The following SYN3 variants were observed in gnomAD, a reference collection of about 807,000 sequenced individuals.
SYN3 encodes the protein synapsin-3.
SYN3 carries 35 observed loss-of-function variants against 65.8 expected under a neutral mutation model. The observed-to-expected ratio is 0.53, with a 90% CI of 0.41 to 0.70. SYN3 has a LOEUF of 0.70. Ranked by LOEUF, SYN3 falls within the 30% of genes least tolerant of loss-of-function variation. The pLI is 0.00. For missense variants in SYN3, 680 were observed against 749.0 expected (o/e 0.91, Z 1.08); for synonymous variants, 270 against 292.9 (o/e 0.92, Z 0.80).
At chr22:32,803,151 A>T (rs995082099) in intron 6 of SYN3, among the ~76,000 whole-genome samples, 4 of 151,324 alleles carry the variant, frequency 2.6e-5, no homozygotes, top group South Asian at 2.1e-4. Context: ...CTGCTGGGAG[A>T]GTGTGTGTGT....
chr22:32,516,526 G>A (rs1404137688), intron 13 of SYN3, among the ~76,000 whole-genome samples: 1 of 151,980 alleles, frequency 6.6e-6, no homozygotes, highest in African/African-American at 2.4e-5. Flanking sequence ...AGCACGCCCA[G>A]CTAATTTTTG....
At chr22:32,746,900 G>A (rs1004382107) in intron 6 of SYN3, among the ~76,000 whole-genome samples, 3 of 152,170 alleles carry the variant, frequency 2.0e-5, no homozygotes, top group African/African-American at 4.8e-5. Context: ...CTTAGCCGCC[G>A]GAGGCTTTGG....
rs2710352 is a variant in SYN3, at chr22:32,668,557, C to T, written c.712-71821G>A. ...TCTCCTTCCCCTCTTCCTTCCTCCT[C>T]CTTCCTCCACTCCTGCCTTCCCTTC... is the stretch of plus-strand genomic sequence containing the variant. On this transcript the variant is annotated intron_variant, in intron 6 of 13. Coordinates refer to ENST00000358763, the MANE Select transcript of SYN3 (RefSeq NM_003490.4). 3.1e-3 allele frequency among the ~76,000 whole-genome samples: 479 copies of T among 152,150 alleles called. 3 individuals are homozygous for T. Among genetic ancestry groups the T allele is most frequent in the African/African-American group, 0.011 (453 of 41,506 alleles).
chr22:32,607,008 G>A (rs1448859623), intron 6 of SYN3, among the ~76,000 whole-genome samples: 7 of 111,880 alleles, frequency 6.3e-5, no homozygotes, highest in Non-Finnish European at 1.1e-4. Context: ...GTCCCTCCCC[G>A]CCTCCCCCCA....
chr22:32,693,837 C>A (rs1435152860), intron 6 of SYN3, among the ~76,000 whole-genome samples: 1 of 151,916 alleles, frequency 6.6e-6, no homozygotes, highest in East Asian at 1.9e-4. Flanking sequence ...AGTAATCCAG[C>A]CTCCCAAAGT....
intron 6 of SYN3, among the ~76,000 whole-genome samples, chr22:32,634,625 GT>G (rs2059789952): frequency 6.6e-6 from 1 of 152,160 alleles, no homozygotes; most frequent in Non-Finnish European, 1.5e-5. Context: ...TGGCTTCCTT[GT>G]TTTTTGTTCA....
intron 6 of SYN3, among the ~76,000 whole-genome samples, chr22:32,729,215 T>C (rs1206636178): frequency 1.3e-5 from 2 of 152,214 alleles, no homozygotes; most frequent in Non-Finnish European, 2.9e-5. Flanking sequence ...CCATCCTCTT[T>C]CCGGGCTTGA....
Position 32,573,507 on chromosome 22 carries a change from C to A in SYN3, c.774+23167G>T, listed in dbSNP as rs1196088699. ...TATAGGACTGAGTTCATCAAAAGGG[C>A]CTTATTGTTCTCTTGATGAACTCTA... On this transcript the variant is annotated intron_variant, in intron 7 of 13. Coordinates refer to ENST00000358763, the MANE Select transcript of SYN3 (RefSeq NM_003490.4). Among the ~76,000 whole-genome samples, 4 of 152,052 alleles carry A rather than the reference C, an allele frequency of 2.6e-5. No individual in the cohort carries two copies. In the East Asian group the frequency reaches 7.7e-4, roughly 29 times the overall value.
chr22:32,632,904 CG>C (rs1418663376), intron 6 of SYN3, among the ~76,000 whole-genome samples: 1 of 152,212 alleles, frequency 6.6e-6, no homozygotes, highest in Non-Finnish European at 1.5e-5. Context: ...ATTAGTTCAT[CG>C]GGTAGTTATG....
intron 6 of SYN3, among the ~76,000 whole-genome samples, chr22:32,782,839 G>C (rs1352974384): frequency 6.6e-6 from 1 of 152,166 alleles, no homozygotes; most frequent in Non-Finnish European, 1.5e-5. Flanking sequence ...TTGTAGCAGA[G>C]GATTTGGCTT....
chr22:32,789,975 C>T (rs907889488), intron 6 of SYN3, among the ~76,000 whole-genome samples: 2 of 152,228 alleles, frequency 1.3e-5, no homozygotes, highest in Admixed American at 6.5e-5. Context: ...ACGCTTTCCA[C>T]ATATATCATC....
chr22:32,818,916 G>A (rs1396551581), intron 6 of SYN3, among the ~76,000 whole-genome samples: 1 of 152,178 alleles, frequency 6.6e-6, no homozygotes, highest in East Asian at 1.9e-4. Flanking sequence ...GCCAGCCAGC[G>A]GGGTCACTTG....
rs143319360 is a variant in SYN3 at position 32,810,155 on chromosome 22, G to C, written c.711+54760C>G. The stretch of plus-strand genomic sequence containing the variant: ...TGACAGGAGGCCCACAGGTGTCTAT[G>C]TGGGCTGCAGTGGAACTAAGAGGTC... On this transcript the variant is annotated intron_variant, in intron 6 of 13. Transcript: ENST00000358763. Among the ~76,000 whole-genome samples the C allele has an allele frequency of 6.3e-3, 961 of 152,354 alleles. 12 individuals carry two copies. Among genetic ancestry groups the C allele is most frequent in the African/African-American group, 0.02 (842 of 41,586 alleles).
At chr22:32,650,854 CA>C (rs1231344413) in intron 6 of SYN3, among the ~76,000 whole-genome samples, 4 of 152,164 alleles carry the variant, frequency 2.6e-5, no homozygotes, top group African/African-American at 9.7e-5. Context: ...TAGAGACGGC[CA>C]AAAATATTAC....
intron 6 of SYN3, among the ~76,000 whole-genome samples, chr22:32,731,447 T>C (rs1242749378): frequency 1.3e-5 from 2 of 152,168 alleles, no homozygotes; most frequent in African/African-American, 2.4e-5. Context: ...GGGAAGCTGA[T>C]GGAGGACAAG....
At chr22:32,948,740 A>AAATAAATT (rs2051192716) in intron 3 of SYN3, among the ~76,000 whole-genome samples, 1 of 151,630 alleles carries the variant, frequency 6.6e-6, no homozygotes, top group Admixed American at 6.6e-5. Flanking sequence ...CCGTCTCAAT[A>AAATAAATT]AATAAATAAA....
chr22:32,983,778 G>A (rs932246948), intron 2 of SYN3, among the ~76,000 whole-genome samples: 2 of 152,146 alleles, frequency 1.3e-5, no homozygotes, highest in Admixed American at 6.5e-5. Flanking sequence ...TATTTGAAGT[G>A]CCTGGGGCAA....
intron 6 of SYN3, among the ~76,000 whole-genome samples, chr22:32,838,651 C>T (rs572098951): frequency 1.2e-4 from 18 of 152,148 alleles, no homozygotes; most frequent in African/African-American, 4.1e-4. Context: ...TGTCGGTATT[C>T]GGCCTCTCCA....
At position 32,849,501 on chromosome 22, in the gene SYN3, C is replaced by T. The variant is rs762299337; in HGVS notation, c.711+15414G>A. 4.0e-5 allele frequency: 64 copies of T among 1,613,566 alleles called. No individual in the cohort carries two copies. The highest frequency in any genetic ancestry group is 8.0e-5 in the African/African-American group (6 of 74,894). ...AGAAGCTGGTAAAGGAGGGGCCCTT[C>T]GGCACGCTGGTCTACACCATCAAGC... is the stretch of plus-strand genomic sequence containing the variant. On this transcript the variant is annotated intron_variant, in intron 6 of 13. Transcript: ENST00000358763.
Sources: allele counts gnomAD v4.1 joint callset (sites outside exome capture counted in the v4.1 genomes callset), GRCh38; gene constraint gnomAD v4.1.1; transcripts MANE v1.5; gene names NCBI Gene and HGNC (gene_info 2026-07-23, HGNC 2026-07-21).